COL3A1: variants seen among roughly 807,000 people sequenced by gnomAD.
COL3A1 encodes the protein collagen type III alpha 1 chain, also known as collagen alpha-1(III) chain.
Under a neutral mutation model 200.9 loss-of-function variants are expected in COL3A1, and 46 were observed. The observed-to-expected ratio is 0.23, with a 90% CI of 0.18 to 0.29. COL3A1 has a LOEUF of 0.29. Ranked by LOEUF, COL3A1 falls within the 10% of genes least tolerant of loss-of-function variation. The pLI is 1.00. For missense variants in COL3A1, 1,367 were observed against 1,917.6 expected (o/e 0.71, Z 5.36); for synonymous variants, 650 against 628.0 (o/e 1.03, Z -0.52).
chr2:189,007,867 C>T lies in COL3A1; in HGVS notation c.3364-18C>T. 1.2e-6 allele frequency: 2 copies of T among 1,613,690 alleles called. No homozygotes were observed. Among genetic ancestry groups the T allele is most frequent in the East Asian group, 2.2e-5 (1 of 44,888 alleles). On this transcript the variant is annotated intron_variant, in intron 45 of 50. Transcript: ENST00000304636. ...TTTTTAAGGCCTTCACTCCTATGTA[C>T]ACTTCCTTTCTTTCCAGGGCCCTGC...
chr2:188,996,389 T>G lies in COL3A1; in HGVS notation c.1663-9T>G, dbSNP rs1350223368. The G allele has an allele frequency of 6.2e-7, 1 of 1,610,410 alleles. No homozygotes were observed. Among genetic ancestry groups the G allele is most frequent in the East Asian group, 2.2e-5 (1 of 44,786 alleles). ...TCAAACCTTTATTAATGTAATTTTT[T>G]CTTATTAGGGAAGTCAAGGAGAAAG... is the stretch of plus-strand genomic sequence containing the variant. On this transcript the variant is annotated splice_polypyrimidine_tract_variant and intron_variant, in intron 23 of 50. Coordinates refer to ENST00000304636, the MANE Select transcript of COL3A1 (RefSeq NM_000090.4).
Position 189,006,461 on chromosome 2 carries a change from C to T in COL3A1, c.3201+9C>T. On this transcript the variant is annotated intron_variant, in intron 43 of 50. Coordinates refer to ENST00000304636, the MANE Select transcript of COL3A1 (RefSeq NM_000090.4). ...GTGACAGAGGAGAAAGTGTGAGTTCCCAAAAGCAGCATCTGTCTTGTTTGT... is the reference window on the plus strand; with the variant it reads ...GTGACAGAGGAGAAAGTGTGAGTTCTCAAAAGCAGCATCTGTCTTGTTTGT... The T allele has an allele frequency of 6.2e-7, 1 of 1,612,054 alleles. No homozygotes were observed. Among genetic ancestry groups the T allele is most frequent in the Non-Finnish European group, 8.5e-7 (1 of 1,178,328 alleles).
Position 188,995,699 on chromosome 2 carries a change from C to G in COL3A1, c.1517C>G (p.Ala506Gly). 1 of 1,555,104 alleles carries G rather than the reference C, an allele frequency of 6.4e-7. No homozygotes were observed. Among genetic ancestry groups the G allele is most frequent in the Non-Finnish European group, 8.7e-7 (1 of 1,148,786 alleles). The stretch of plus-strand genomic sequence containing the variant: ...ATTTCTTTCACTACTTAGGGTCCTG[C>G]TGGAGAGCGTGGTGCTCCAGGCCCT... ...PNGIPGEKGP[A>G]GERGAPGPAG... The change falls in exon 22 of 51, where the codon GCT (alanine) becomes GGT (glycine). Residue 506 changes from alanine to glycine, a missense_variant. Coordinates refer to ENST00000304636, the MANE Select transcript of COL3A1 (RefSeq NM_000090.4).
chr2:189,007,801 A>G, intron 45 of COL3A1, 84 bp from the exon 46 acceptor site: 4 of 1,503,140 alleles, frequency 2.7e-6, no homozygotes, highest in East Asian at 2.3e-5. Flanking sequence ...CATGATCCCC[A>G]TGTTTCTTGA....
At chr2:189,009,580 T>G (rs572404754) in intron 48 of COL3A1, among the ~76,000 whole-genome samples, 60 of 152,292 alleles carry the variant, frequency 3.9e-4, no homozygotes, top group Middle Eastern at 3.4e-3. Context: ...TTGCAATGAA[T>G]CTAATTATTA....
chr2:189,012,030 A>G lies in COL3A1; in HGVS notation c.*256A>G, dbSNP rs1333715728. The G allele has an allele frequency of 1.6e-5, 8 of 493,754 alleles. No homozygotes were observed. The highest frequency in any genetic ancestry group is 2.6e-5 in the Non-Finnish European group (7 of 272,824). 30.6% of individuals were successfully genotyped at this position (493,754 alleles called of 1,614,324 possible). On this transcript the variant is annotated 3_prime_UTR_variant, in exon 51 of 51. Coordinates refer to ENST00000304636, the MANE Select transcript of COL3A1 (RefSeq NM_000090.4). The stretch of plus-strand genomic sequence containing the variant: ...AAATGTCTCAATGGTGCTATAATAA[A>G]TAAACTTCAACACTCTTTATGATAA...
rs1483989815 is a variant in COL3A1 at position 189,010,199 on chromosome 2, A to G, written c.3845A>G (p.Asn1282Ser). 4 of 1,614,160 alleles carry G rather than the reference A, an allele frequency of 2.5e-6. No homozygotes were observed. The Admixed American group carries it at 6.7e-5, about 27-fold the overall frequency. ...LKSGEYWVDP[N>S]QGCKLDAIKV... ...TCAGGAGAATACTGGGTTGACCCTA[A>G]CCAAGGATGCAAATTGGATGCTATC... The change falls in exon 49 of 51, where the codon AAC becomes AGC. Residue 1282 changes from asparagine to serine, a missense_variant. By Grantham distance (46) the Asn-to-Ser change is conservative (BLOSUM62 1). Coordinates refer to ENST00000304636, the MANE Select transcript of COL3A1 (RefSeq NM_000090.4).
chr2:188,984,746 A>G lies in COL3A1; in HGVS notation c.80-14A>G. 6.2e-7 allele frequency: 1 copy of G among 1,611,986 alleles called. No homozygotes were observed. Among genetic ancestry groups the G allele is most frequent in the Non-Finnish European group, 8.5e-7 (1 of 1,178,384 alleles). On this transcript the variant is annotated splice_polypyrimidine_tract_variant and intron_variant, in intron 1 of 50. Transcript: ENST00000304636. ...AACCTAAGGAAACTTCACGTCATCTAACTTGTTTTTCAGCTGTTGAAGGAG... is the reference window on the plus strand; with the variant it reads ...AACCTAAGGAAACTTCACGTCATCTGACTTGTTTTTCAGCTGTTGAAGGAG...
Position 188,999,464 on chromosome 2 carries a change from T to C in COL3A1, c.2122-6T>C. On this transcript the variant is annotated splice_polypyrimidine_tract_variant and splice_region_variant and intron_variant, in intron 30 of 50. Transcript: ENST00000304636. The stretch of plus-strand genomic sequence containing the variant: ...TGATCATTTATTATTTCTCACTTAT[T>C]TTCAGGGTGCTGCTGGTCCTCCTGG... 6.2e-7 allele frequency: 1 copy of C among 1,614,132 alleles called. No homozygotes were observed. The highest frequency in any genetic ancestry group is 8.5e-7 in the Non-Finnish European group (1 of 1,180,010).
Position 188,988,328 on chromosome 2 carries a change from G to T in COL3A1, c.582+194G>T, listed in dbSNP as rs41272805. 1.6e-4 allele frequency among the ~76,000 whole-genome samples: 24 copies of T among 152,184 alleles called. No homozygotes were observed. In the East Asian group the frequency reaches 4.6e-3, roughly 29 times the overall value. ...TTTCCACCAACAGTTATTAGCAATTGAAATCTTGGTAAAATTAAACCACAT... is the reference window on the plus strand; with the variant it reads ...TTTCCACCAACAGTTATTAGCAATTTAAATCTTGGTAAAATTAAACCACAT... On this transcript the variant is annotated intron_variant, in intron 6 of 50. Coordinates refer to ENST00000304636, the MANE Select transcript of COL3A1 (RefSeq NM_000090.4).
At chr2:189,010,914 A>G in intron 50 of COL3A1, 24 bp downstream of exon 50, 1 of 1,613,840 alleles carries the variant, frequency 6.2e-7, no homozygotes, top group Non-Finnish European at 8.5e-7. Context: ...TTCTCAATAT[A>G]GGTCATAAAG....
intron 1 of COL3A1, among the ~76,000 whole-genome samples, chr2:188,974,982 T>C (rs1251826429): frequency 6.6e-6 from 1 of 152,204 alleles, no homozygotes; most frequent in East Asian, 1.9e-4. Context: ...TTGAGCATTG[T>C]TTTCTGAATA....
At chr2:188,993,552 A>G in intron 16 of COL3A1, 93 bp downstream of exon 16, 2 of 1,090,670 alleles carry the variant, frequency 1.8e-6, no homozygotes, top group Non-Finnish European at 2.7e-6. Context: ...CATGTGCTTC[A>G]ATATGGCTAT....
Position 189,001,410 on chromosome 2 carries a change from C to T in COL3A1, c.2297C>T (p.Pro766Leu). ...GKDGPRGPTG[P>L]IGPPGPAGQP... ...TATTTCCTCTAGGGTCCTACTGGTC[C>T]TATTGGTCCTCCTGGCCCAGCTGGC... is the stretch of plus-strand genomic sequence containing the variant. Residue 766 changes from proline (P) to leucine (L), a missense_variant, in exon 33 of 51, where the codon CCT becomes CTT. Transcript: ENST00000304636. 6.2e-7 allele frequency: 1 copy of T among 1,613,674 alleles called. No homozygotes were observed.
intron 21 of COL3A1, 90 bp downstream of exon 21, chr2:188,995,189 A>C: frequency 8.2e-7 from 1 of 1,220,050 alleles, no homozygotes; most frequent in Non-Finnish European, 1.2e-6. Context: ...AAACCTAAAT[A>C]TCTGAAGAAT....
At chr2:189,005,571 TTCTATC>T in intron 41 of COL3A1, 114 bp downstream of exon 41, 1 of 824,900 alleles carries the variant, frequency 1.2e-6, no homozygotes. Flanking sequence ...AGCAAAGTTC[TTCTATC>T]TCTAATAACA....
intron 8 of COL3A1, 88 bp from the exon 9 acceptor site, chr2:188,990,008 G>C: frequency 1.6e-6 from 2 of 1,266,572 alleles, no homozygotes; most frequent in Non-Finnish European, 2.3e-6. Flanking sequence ...TCCTTTGTGA[G>C]AAAAATGCAA....
rs1314518925 is a variant in COL3A1, at chr2:188,992,108, G to C, written c.952-76G>C. ...AAGAAAACTCAACTCACTTGAGTCAGAATTTTGGTCAAAATATTACTCATG... is the reference window on the plus strand; with the variant it reads ...AAGAAAACTCAACTCACTTGAGTCACAATTTTGGTCAAAATATTACTCATG... On this transcript the variant is annotated intron_variant, in intron 13 of 50. Coordinates refer to ENST00000304636, the MANE Select transcript of COL3A1 (RefSeq NM_000090.4). 5 of 1,455,644 alleles carry C rather than the reference G, an allele frequency of 3.4e-6. No individual in the cohort carries two copies. In the African/African-American group the frequency reaches 7.0e-5, roughly 20 times the overall value. 90.2% of individuals were successfully genotyped at this position (1,455,644 alleles called of 1,614,324 possible).
chr2:188,985,095 G>T (rs1026300411), intron 2 of COL3A1, 102 bp from the exon 3 acceptor site: 2 of 1,429,386 alleles, frequency 1.4e-6, no homozygotes, highest in Non-Finnish European at 2.0e-6. Context: ...CGAGTAAAAA[G>T]TGACCGTTTC....
Sources: allele counts gnomAD v4.1 joint callset (sites outside exome capture counted in the v4.1 genomes callset), GRCh38; gene constraint gnomAD v4.1.1; transcripts MANE v1.5; gene names NCBI Gene and HGNC (gene_info 2026-07-23, HGNC 2026-07-21).